CEP250: variants seen among roughly 807,000 people sequenced by gnomAD.
CEP250 encodes centrosomal protein 250.
In CEP250, 242 loss-of-function variants were observed where a neutral mutation model predicts 315.7. That is an observed-to-expected ratio of 0.77 (90% CI 0.69 to 0.85). CEP250 has a LOEUF of 0.85. CEP250 is among the 40% of genes least tolerant of loss of function. The pLI is 0.00. For missense variants in CEP250, 2,515 were observed against 2,886.4 expected, an observed-to-expected ratio of 0.87 and a Z score of 2.95; for synonymous variants, 1,088 against 1,175.0, an observed-to-expected ratio of 0.93 and a Z score of 1.51.
chr20:35,491,446 C>A, intron 22 of CEP250, 100 bp downstream of exon 22: 3 of 1,297,510 alleles, frequency 2.3e-6, no homozygotes, highest in Non-Finnish European at 3.2e-6. Context: ...AGGCCCTGTG[C>A]TAGGTGCTGA....
chr20:35,466,494 G>A (rs555788370), intron 7 of CEP250, among the ~76,000 whole-genome samples: 2 of 152,226 alleles, frequency 1.3e-5, no homozygotes, highest in Admixed American at 1.3e-4. Context: ...GGATCTGAAA[G>A]CTTACTGATT....
At chr20:35,501,297 ACT>A (rs565055686) in intron 28 of CEP250, among the ~76,000 whole-genome samples, 69 of 152,232 alleles carry the variant, frequency 4.5e-4, no homozygotes, top group Admixed American at 1.5e-3. Flanking sequence ...AGATTGTGCC[ACT>A]GCATTCCAGC....
At chr20:35,464,818 A>G in intron 5 of CEP250, among the ~76,000 whole-genome samples, 1 of 152,228 alleles carries the variant, frequency 6.6e-6, no homozygotes, top group African/African-American at 2.4e-5. Flanking sequence ...GCTACTCGGG[A>G]GGCTGAGGCA....
chr20:35,499,208 G>A (rs896295046), intron 27 of CEP250, among the ~76,000 whole-genome samples: 1 of 152,184 alleles, frequency 6.6e-6, no homozygotes, highest in African/African-American at 2.4e-5. Flanking sequence ...CTGGGAGGTG[G>A]AGGTTGCAGT....
rs551044554 is a variant in CEP250 at position 35,474,794 on chromosome 20, G to C, written c.1572-708G>C. On this transcript the variant is annotated intron_variant, in intron 14 of 34. Transcript: ENST00000397527. ...AATGATGATAATATTTACCTTGAAG[G>C]GTTGCTGGGAAGATGAGAGCAATGT... 94 of 471,068 alleles carry C rather than the reference G, an allele frequency of 2.0e-4. 3 individuals carry two copies. Among genetic ancestry groups the C allele is most frequent in the South Asian group, 1.4e-3 (90 of 64,558 alleles). The allele number at this position is 471,068 out of a possible 1,614,324, so 29.2% of individuals were successfully genotyped here. A position where few individuals can be genotyped will look rare whatever the true frequency, so the allele number is the denominator to read the frequency against.
chr20:35,497,910 G>A lies in CEP250; in HGVS notation c.3498G>A (p.Leu1166=). 6.2e-7 allele frequency: 1 copy of A among 1,609,478 alleles called. No individual in the cohort carries two copies. The highest frequency in any genetic ancestry group is 8.5e-7 in the Non-Finnish European group (1 of 1,178,098). Reference sequence around the variant, plus strand: ...GCACAGAGAGCCAGCTAGAAGCGCTGGCCGCAGAGCAGCAGCCCGGGAACC... The same window carrying A: ...GCACAGAGAGCCAGCTAGAAGCGCTAGCCGCAGAGCAGCAGCCCGGGAACC... The part of the protein sequence containing the change: ...LRSTESQLEA[L]AAEQQPGNQA... Residue 1166 remains leucine, a synonymous_variant, in exon 26 of 35, where the codon CTG becomes CTA. Coordinates refer to ENST00000397527, the MANE Select transcript of CEP250 (RefSeq NM_007186.6).
intron 31 of CEP250, 35 bp from the exon 32 acceptor site, chr20:35,508,000 G>A (rs747804432): frequency 1.4e-5 from 23 of 1,613,286 alleles, no homozygotes; most frequent in African/African-American, 1.2e-4. Context: ...TGTCTTAGGG[G>A]CTGCCCAGGT....
intron 30 of CEP250, among the ~76,000 whole-genome samples, chr20:35,505,255 G>A (rs2147183529): frequency 6.6e-6 from 1 of 152,336 alleles, no homozygotes; most frequent in Middle Eastern, 3.4e-3. Context: ...CAGTGTGGTT[G>A]GTGCCTAATG....
intron 13 of CEP250, 25 bp from the exon 14 acceptor site, chr20:35,473,845 C>T (rs559557428): frequency 6.9e-6 from 11 of 1,597,144 alleles, no homozygotes; most frequent in Non-Finnish European, 8.5e-6. Context: ...ATGGTCTCTG[C>T]TCATCTCTGA....
In CEP250 at chr20:35,472,723, C is replaced by T. The variant is rs1268454812; in HGVS notation, c.1101C>T (p.Asn367=). ...DNIAQGSGHE[N]SLELDSSIFS... ...TAGCCCAAGGCTCTGGTCATGAGAA[C>T]TCTTTGGAATTGGACTCTAGTATCT... Residue 367 remains asparagine, a synonymous_variant, in exon 12 of 35, where the codon AAC becomes AAT. Coordinates refer to ENST00000397527, the MANE Select transcript of CEP250 (RefSeq NM_007186.6). The T allele has an allele frequency of 6.2e-7, 1 of 1,614,102 alleles. No individual in the cohort carries two copies. The highest frequency in any genetic ancestry group is 2.2e-5 in the East Asian group (1 of 44,874).
intron 23 of CEP250, 82 bp from the exon 24 acceptor site, chr20:35,494,442 G>A: frequency 1.3e-6 from 2 of 1,567,516 alleles, no homozygotes; most frequent in Non-Finnish European, 1.7e-6. Context: ...AACCTCGAAG[G>A]ACCCTGAAGC....
chr20:35,507,256 G>A (rs190743360), intron 30 of CEP250, among the ~76,000 whole-genome samples: 70 of 152,298 alleles, frequency 4.6e-4, no homozygotes, highest in African/African-American at 1.6e-3. Context: ...TTTATCCAAA[G>A]GGACTTAACC....
chr20:35,489,900 T>C (rs1028222734), intron 20 of CEP250, among the ~76,000 whole-genome samples: 1 of 152,178 alleles, frequency 6.6e-6, no homozygotes, highest in Non-Finnish European at 1.5e-5. Context: ...AATACGGAGC[T>C]GTGTGTGGTG....
intron 23 of CEP250, chr20:35,494,294 G>A: frequency 2.0e-6 from 1 of 489,270 alleles, no homozygotes; most frequent in Non-Finnish European, 3.6e-6. Context: ...TTTTATTTGT[G>A]CCTGCCTCTA....
chr20:35,474,158 C>T, intron 14 of CEP250, 106 bp downstream of exon 14: 4 of 944,590 alleles, frequency 4.2e-6, no homozygotes, highest in African/African-American at 3.4e-5. Flanking sequence ...AGAAGTCTGG[C>T]ATGCAGTGGG....
In CEP250 at chr20:35,515,205, A is replaced by T. The variant is rs74857166; in HGVS notation, c.*3579A>T. On this transcript the variant is annotated 3_prime_UTR_variant, in exon 35 of 35. Transcript: ENST00000397527. ...TTGGTGCCTATGGAGAAGAACACAGACTGTTTATCACTCACCCCTGGTTCC... is the reference window on the plus strand; with the variant it reads ...TTGGTGCCTATGGAGAAGAACACAGTCTGTTTATCACTCACCCCTGGTTCC... 9 of 152,240 alleles carry T rather than the reference A, an allele frequency of 5.9e-5. No homozygotes were observed. In the East Asian group the frequency reaches 1.7e-3, roughly 29 times the overall value. The allele number at this position is 152,240 out of a possible 1,614,324, so 9.4% of individuals were successfully genotyped here.
chr20:35,487,870 A>G (rs2063563073), intron 20 of CEP250, among the ~76,000 whole-genome samples: 1 of 152,188 alleles, frequency 6.6e-6, no homozygotes, highest in South Asian at 2.1e-4. Flanking sequence ...TTTTTTATCC[A>G]CCTCTGTAAT....
At position 35,509,044 on chromosome 20, in the gene CEP250, G is replaced by A. The variant is rs1338598376; in HGVS notation, c.7008G>A (p.Gln2336=). ...SKATASSPTQ[Q]DGRGQKNSDA... ...CCACGGCTTCTTCACCCACACAGCA[G>A]GTTTACTCATTTTCCTCAGCTGCAG... is the stretch of plus-strand genomic sequence containing the variant. Residue 2336 remains glutamine, a splice_region_variant and synonymous_variant, in exon 33 of 35, where the codon CAG becomes CAA. Transcript: ENST00000397527. 1 of 1,554,006 alleles carries A rather than the reference G, an allele frequency of 6.4e-7. No homozygotes were observed. Among genetic ancestry groups the A allele is most frequent in the Non-Finnish European group, 8.7e-7 (1 of 1,148,132 alleles).
chr20:35,463,718 T>A (rs1378516486), intron 5 of CEP250, 87 bp downstream of exon 5: 1 of 1,110,386 alleles, frequency 9.0e-7, no homozygotes, highest in African/African-American at 1.6e-5. Flanking sequence ...GAGGTTGGAG[T>A]GTACAAGTGA....
Sources: gnomAD v4.1 joint callset for allele counts (sites outside exome capture counted in the v4.1 genomes callset) on GRCh38, gnomAD v4.1.1 for gene constraint, MANE v1.5 for transcripts, NCBI Gene and HGNC (gene_info 2026-07-23, HGNC 2026-07-21) for gene names.